Variants in SETDB1 observed in about 807,000 individuals in gnomAD.
SETDB1 encodes the protein SET domain bifurcated histone lysine methyltransferase 1, also known as histone-lysine N-methyltransferase SETDB1.
In SETDB1, 31 loss-of-function variants were observed where a neutral mutation model predicts 137.4. The ratio of observed to expected loss-of-function variants is 0.23; its 90% confidence interval spans 0.17 to 0.30. The LOEUF is 0.30. Among genes scored for constraint, SETDB1 ranks in the 10% least tolerant of loss-of-function variants. The pLI, the probability that SETDB1 is intolerant of heterozygous loss-of-function variation, is 1.00. For missense variants in SETDB1, 1,113 were observed against 1,631.5 expected (o/e 0.68, Z 5.47); for synonymous variants, 548 against 579.9 (o/e 0.95, Z 0.79).
chr1:150,942,241 C>A (rs1413139378), intron 5 of SETDB1, among the ~76,000 whole-genome samples: 1 of 151,776 alleles, frequency 6.6e-6, no homozygotes, highest in Admixed American at 6.6e-5. Context: ...AAGATAGAGA[C>A]CATCCTGGCT....
intron 14 of SETDB1, among the ~76,000 whole-genome samples, chr1:150,952,889 G>GAAAAC (rs1294589491): frequency 1.8e-4 from 28 of 151,966 alleles, no homozygotes; most frequent in African/African-American, 6.0e-4. Flanking sequence ...CTCAGTCTCA[G>GAAAAC]AAAACAAAAC....
intron 3 of SETDB1, among the ~76,000 whole-genome samples, chr1:150,936,558 T>C (rs1431138610): frequency 2.0e-5 from 3 of 152,224 alleles, no homozygotes; most frequent in African/African-American, 7.2e-5. Flanking sequence ...TTTACATTTT[T>C]TGAGATTACA....
intron 14 of SETDB1, among the ~76,000 whole-genome samples, chr1:150,952,322 C>T (rs922321477): frequency 2.0e-5 from 3 of 152,034 alleles, no homozygotes; most frequent in Non-Finnish European, 4.4e-5. Context: ...TATAGGAGTA[C>T]AGCAGAGAGA....
At chr1:150,951,136 T>C (rs756833226) in intron 13 of SETDB1, 46 bp downstream of exon 13, 7 of 1,566,030 alleles carry the variant, frequency 4.5e-6, no homozygotes, top group Admixed American at 3.6e-5. Context: ...AACTTTGTTA[T>C]GGTGTCTGTT....
chr1:150,948,722 A>G (rs899126243), intron 10 of SETDB1, among the ~76,000 whole-genome samples: 1 of 150,830 alleles, frequency 6.6e-6, no homozygotes, highest in Admixed American at 6.6e-5. Context: ...AAATGTGTCC[A>G]TTGCTGCTTT....
At chr1:150,926,578 T>C in intron 1 of SETDB1, 61 bp downstream of exon 1, 1 of 375,550 alleles carries the variant, frequency 2.7e-6, no homozygotes, top group East Asian at 7.6e-5. Context: ...GTTTTGTTTG[T>C]GGGAGGGGGT....
intron 14 of SETDB1, among the ~76,000 whole-genome samples, chr1:150,956,312 C>T (rs745996145): frequency 2.1e-5 from 3 of 146,192 alleles, no homozygotes; most frequent in Non-Finnish European, 3.0e-5. Flanking sequence ...CTTGAACCCG[C>T]GAGGTGGAGG....
chr1:150,957,140 G>A (rs975836655), intron 14 of SETDB1, among the ~76,000 whole-genome samples: 2 of 151,444 alleles, frequency 1.3e-5, no homozygotes, highest in African/African-American at 4.9e-5. Context: ...ATGGGAGGTC[G>A]AAGCAGGTGG....
At chr1:150,939,100 C>G (rs1365149116) in intron 3 of SETDB1, among the ~76,000 whole-genome samples, 1 of 151,614 alleles carries the variant, frequency 6.6e-6, no homozygotes, top group South Asian at 2.1e-4. Flanking sequence ...GTGCCTGCTA[C>G]CACGCTTGGC....
intron 10 of SETDB1, among the ~76,000 whole-genome samples, chr1:150,948,395 C>A (rs587675039): frequency 1.3e-5 from 2 of 151,392 alleles, no homozygotes; most frequent in Non-Finnish European, 2.9e-5. Context: ...CTCAGCCTTC[C>A]GAGTAACTGG....
At chr1:150,934,700 C>T (rs1490414395) in intron 3 of SETDB1, among the ~76,000 whole-genome samples, 1 of 152,144 alleles carries the variant, frequency 6.6e-6, no homozygotes, top group Non-Finnish European at 1.5e-5. Flanking sequence ...TCATTCCTTC[C>T]TGTGGATCTG....
intron 3 of SETDB1, among the ~76,000 whole-genome samples, chr1:150,937,857 A>G (rs587708929): frequency 8.5e-5 from 13 of 152,334 alleles, no homozygotes; most frequent in South Asian, 2.1e-4. Flanking sequence ...ATGTTTATCA[A>G]CTGATGAATG....
At chr1:150,954,632 G>A (rs753889219) in intron 14 of SETDB1, among the ~76,000 whole-genome samples, 1 of 152,164 alleles carries the variant, frequency 6.6e-6, no homozygotes, top group Middle Eastern at 3.4e-3. Context: ...AATAGAACAC[G>A]TTAAAAAATA....
At position 150,963,761 on chromosome 1, in the gene SETDB1, C is replaced by A. The variant is rs759639773; in HGVS notation, c.3672+20C>A. 6.2e-7 allele frequency: 1 copy of A among 1,608,112 alleles called. No individual in the cohort carries two copies. The highest frequency in any genetic ancestry group is 1.1e-5 in the South Asian group (1 of 90,938). On this transcript the variant is annotated intron_variant, in intron 20 of 21. Transcript: ENST00000692827. ...CTCAACGTGAGACCCCTCTCCCCAC[C>A]TCTAGATGCTGGATTATCCCATGGT...
intron 4 of SETDB1, 82 bp downstream of exon 4, chr1:150,940,056 T>C (rs779364053): frequency 9.2e-5 from 87 of 942,376 alleles, no homozygotes; most frequent in Non-Finnish European, 1.4e-4. Flanking sequence ...TTAATCAGTT[T>C]AGCTGTCAGT....
At chr1:150,944,347 A>T (rs936625617) in intron 8 of SETDB1, among the ~76,000 whole-genome samples, 2 of 152,204 alleles carry the variant, frequency 1.3e-5, no homozygotes, top group African/African-American at 4.8e-5. Context: ...ATTTGTATAA[A>T]TGTGTAGTCT....
chr1:150,931,735 A>AAAC (rs1669763467), intron 3 of SETDB1, among the ~76,000 whole-genome samples: 2 of 148,056 alleles, frequency 1.4e-5, no homozygotes, highest in Non-Finnish European at 3.0e-5. Flanking sequence ...CCAAAAAAAA[A>AAAC]AAAAAAAAAA....
intron 14 of SETDB1, among the ~76,000 whole-genome samples, chr1:150,953,499 C>G (rs1187949544): frequency 6.7e-6 from 1 of 149,702 alleles, no homozygotes; most frequent in Non-Finnish European, 1.5e-5. Context: ...GCACTCCAGC[C>G]TGGGCAAGAA....
At chr1:150,933,674 G>T (rs587672821) in intron 3 of SETDB1, among the ~76,000 whole-genome samples, 2 of 151,488 alleles carry the variant, frequency 1.3e-5, no homozygotes, top group Non-Finnish European at 2.9e-5. Context: ...ACTGTGCCTA[G>T]CCCTATTTCT....
Sources: allele counts gnomAD v4.1 joint callset (sites outside exome capture counted in the v4.1 genomes callset), GRCh38; gene constraint gnomAD v4.1.1; transcripts MANE v1.5; gene names NCBI Gene and HGNC (gene_info 2026-07-23, HGNC 2026-07-21).